PPP2R2B: variants seen among roughly 807,000 people sequenced by gnomAD.
PPP2R2B encodes protein phosphatase 2 regulatory subunit Bbeta, also known as serine/threonine-protein phosphatase 2A 55 kDa regulatory subunit B beta isoform.
A neutral mutation model predicts 46.0 loss-of-function variants in PPP2R2B; 5 were observed. The ratio of observed to expected loss-of-function variants is 0.11; its 90% CI spans 0.06 to 0.23. The LOEUF is 0.23. Among genes scored for constraint, PPP2R2B ranks in the 10% least tolerant of loss-of-function variants. The probability of loss-of-function intolerance (pLI) is 1.00; values close to 1 mark genes in which losing one functional copy is unlikely to be tolerated. For missense variants in PPP2R2B, 367 were observed against 575.0 expected (o/e 0.64, Z 3.70); for synonymous variants, 215 against 206.7 (o/e 1.04, Z -0.34).
intron 2 of PPP2R2B, among the ~76,000 whole-genome samples, chr5:146,858,462 C>T (rs1160453830): frequency 1.3e-5 from 2 of 152,246 alleles, no homozygotes; most frequent in Admixed American, 1.3e-4. Context: ...CTACTATTGT[C>T]TTAACTTTAC....
At chr5:146,944,322 G>A (rs1381066643) in intron 1 of PPP2R2B, among the ~76,000 whole-genome samples, 1 of 152,104 alleles carries the variant, frequency 6.6e-6, no homozygotes, top group African/African-American at 2.4e-5. Context: ...GGAAGAGATT[G>A]AAAAGAGATT....
intron 2 of PPP2R2B, among the ~76,000 whole-genome samples, chr5:146,863,588 T>C (rs1761131400): frequency 6.6e-6 from 1 of 152,014 alleles, no homozygotes; most frequent in Non-Finnish European, 1.5e-5. Context: ...GGCAACTGGG[T>C]CACCTACTAA....
intron 2 of PPP2R2B, among the ~76,000 whole-genome samples, chr5:147,071,402 A>G (rs1385897797): frequency 2.6e-5 from 4 of 152,164 alleles, no homozygotes; most frequent in Admixed American, 6.6e-5. Flanking sequence ...GTGGCTCTCT[A>G]TTTCATTCAG....
chr5:146,587,276 G>A lies in PPP2R2B; in HGVS notation c.*2671C>T, dbSNP rs1001435380. The A allele has an allele frequency of 3.9e-5, 6 of 152,234 alleles. No homozygotes were observed. Among genetic ancestry groups the A allele is most frequent in the African/African-American group, 7.2e-5 (3 of 41,446 alleles). 9.4% of individuals were successfully genotyped at this position (152,234 alleles called of 1,614,324 possible). ...AGTTAATTTGTGAAACATCGTGGTG[G>A]TTATTGCTCCCTGAGGCCTAATCTC... On this transcript the variant is annotated 3_prime_UTR_variant, in exon 10 of 10. Coordinates refer to ENST00000394411, the MANE Select transcript of PPP2R2B (RefSeq NM_181675.4).
chr5:147,002,791 C>A (rs573849185), intron 1 of PPP2R2B, among the ~76,000 whole-genome samples: 2 of 152,208 alleles, frequency 1.3e-5, no homozygotes, highest in South Asian at 2.1e-4. Context: ...AAGCACAACT[C>A]TTCTGATCAG....
At chr5:146,699,823 C>T (rs1261460313) in intron 3 of PPP2R2B, among the ~76,000 whole-genome samples, 1 of 152,064 alleles carries the variant, frequency 6.6e-6, no homozygotes, top group Non-Finnish European at 1.5e-5. Flanking sequence ...TGATTTGCTA[C>T]CATCCAAATC....
intron 1 of PPP2R2B, among the ~76,000 whole-genome samples, chr5:147,019,613 T>C (rs1359668855): frequency 6.6e-6 from 1 of 152,160 alleles, no homozygotes; most frequent in Middle Eastern, 3.2e-3. Context: ...TTAAAAAGTC[T>C]ATCTATTACT....
At chr5:146,953,865 T>A (rs1751748272) in intron 1 of PPP2R2B, among the ~76,000 whole-genome samples, 1 of 152,172 alleles carries the variant, frequency 6.6e-6, no homozygotes, top group South Asian at 2.1e-4. Flanking sequence ...AATGTGGATA[T>A]TTTAATAAGA....
intron 5 of PPP2R2B, among the ~76,000 whole-genome samples, chr5:146,682,726 A>G (rs373833): frequency 0.26 from 38,993 of 152,190 alleles, 7,148 homozygotes; most frequent in African/African-American, 0.51. Context: ...GCAACTAAGT[A>G]GGCTGTCCCC....
intron 1 of PPP2R2B, among the ~76,000 whole-genome samples, chr5:146,886,196 G>A (rs1028722218): frequency 2.0e-5 from 3 of 151,916 alleles, no homozygotes; most frequent in Admixed American, 6.6e-5. Flanking sequence ...AAAATTAGCC[G>A]GGCGTGGTGG....
At position 146,905,394 on chromosome 5, in the gene PPP2R2B, GAAATTTTT is replaced by G. The variant is rs750269990; in HGVS notation, c.79+150263_79+150270del. On this transcript the variant is annotated intron_variant, in intron 1 of 8. Coordinates refer to the PPP2R2B transcript ENST00000336640. ...ACTTGAATGTTCTTGTCTTAAGTTT[GAAATTTTT>G]AAATTTTTAAATTTTTATAATAGAG... 4.7e-4 allele frequency among the ~76,000 whole-genome samples: 71 copies of G among 152,192 alleles called. 1 individual carries two copies. Among genetic ancestry groups the G allele is most frequent in the Admixed American group, 5.2e-4 (8 of 15,286 alleles).
chr5:146,871,737 G>A lies in PPP2R2B; in HGVS notation c.70+6265C>T, dbSNP rs941999642. 7.9e-5 allele frequency among the ~76,000 whole-genome samples: 12 copies of A among 152,310 alleles called. No homozygotes were observed. The South Asian group carries it at 2.5e-3, about 32-fold the overall frequency. ...TTCTCCAAAAGATCCTGAGCAGCAT[G>A]GGTGAGCAAAGAACATGTGCCAAGA... On this transcript the variant is annotated intron_variant, in intron 2 of 9. Coordinates refer to ENST00000394411, the MANE Select transcript of PPP2R2B (RefSeq NM_181675.4).
intron 1 of PPP2R2B, among the ~76,000 whole-genome samples, chr5:147,003,294 T>G (rs1754274864): frequency 6.6e-6 from 1 of 151,752 alleles, no homozygotes; most frequent in African/African-American, 2.4e-5. Context: ...GCAAAGAAAT[T>G]TCCAAAGGAC....
rs539490241 is a variant in PPP2R2B at position 146,604,262 on chromosome 5, A to G, written c.791-3802T>C. Among the ~76,000 whole-genome samples, 28 of 152,352 alleles carry G rather than the reference A, an allele frequency of 1.8e-4. No individual in the cohort carries two copies. The South Asian group carries it at 5.4e-3, about 29-fold the overall frequency. The stretch of plus-strand genomic sequence containing the variant: ...TAAATGGAACACCAGTGTGTGTTCC[A>G]TAAAATTTACTTCTCATGCCCCCTG... On this transcript the variant is annotated intron_variant, in intron 7 of 9. Coordinates refer to ENST00000394411, the MANE Select transcript of PPP2R2B (RefSeq NM_181675.4).
chr5:146,838,620 GA>G (rs2151364373), intron 2 of PPP2R2B, among the ~76,000 whole-genome samples: 1 of 151,524 alleles, frequency 6.6e-6, no homozygotes, highest in African/African-American at 2.4e-5. Context: ...GAATGGGACA[GA>G]GTTACATAAT....
chr5:146,990,102 A>G (rs1199702413), intron 1 of PPP2R2B, among the ~76,000 whole-genome samples: 2 of 96,964 alleles, frequency 2.1e-5, no homozygotes, highest in African/African-American at 5.5e-5. Flanking sequence ...AAATGAAAAG[A>G]CATCCTGTGT....
intron 2 of PPP2R2B, among the ~76,000 whole-genome samples, chr5:146,794,022 A>T (rs1205267274): frequency 6.6e-6 from 1 of 152,188 alleles, no homozygotes; most frequent in Non-Finnish European, 1.5e-5. Flanking sequence ...ATCTCAGGAA[A>T]TTCTGAACAC....
At chr5:146,992,985 C>T (rs1489979225) in intron 1 of PPP2R2B, among the ~76,000 whole-genome samples, 1 of 152,162 alleles carries the variant, frequency 6.6e-6, no homozygotes, top group Non-Finnish European at 1.5e-5. Context: ...CTCTGTCACC[C>T]AGGCTAGAGT....
At chr5:146,898,847 T>C (rs1170841747) in intron 1 of PPP2R2B, among the ~76,000 whole-genome samples, 1 of 138,138 alleles carries the variant, frequency 7.2e-6, no homozygotes, top group Non-Finnish European at 1.5e-5. Context: ...AAGAAGACAT[T>C]TATGCAGCCA....
Sources: allele counts gnomAD v4.1 joint callset (sites outside exome capture counted in the v4.1 genomes callset), GRCh38; gene constraint gnomAD v4.1.1; transcripts MANE v1.5; gene names NCBI Gene and HGNC (gene_info 2026-07-23, HGNC 2026-07-21).